MCTP1: variants seen among roughly 807,000 people sequenced by gnomAD.
MCTP1 encodes multiple C2 and transmembrane domain-containing protein 1.
Under a neutral mutation model 120.6 loss-of-function variants are expected in MCTP1, and 69 were observed. The observed-to-expected ratio is 0.57, with a 90% confidence interval of 0.47 to 0.70. MCTP1 has a LOEUF of 0.70. MCTP1 is among the 30% of genes least tolerant of loss of function. The pLI is 0.00. For missense variants in MCTP1, 1,203 were observed against 1,248.8 expected (o/e 0.96, Z 0.55); for synonymous variants, 529 against 493.1 (o/e 1.07, Z -0.96).
At chr5:94,860,198 A>G (rs867285862) in intron 17 of MCTP1, among the ~76,000 whole-genome samples, 2 of 151,810 alleles carry the variant, frequency 1.3e-5, no homozygotes, top group African/African-American at 2.4e-5. Context: ...CCCTTCCCCA[A>G]CACTTCCAAT....
At chr5:94,871,085 T>C (rs1312475790) in intron 14 of MCTP1, 112 bp from the exon 15 acceptor site, 2 of 862,704 alleles carry the variant, frequency 2.3e-6, no homozygotes, top group African/African-American at 3.4e-5. Flanking sequence ...AAAACAACTG[T>C]GGCAATTCTG....
intron 2 of MCTP1, among the ~76,000 whole-genome samples, chr5:94,978,132 A>G (rs920327910): frequency 3.3e-5 from 5 of 152,116 alleles, no homozygotes; most frequent in African/African-American, 1.2e-4. Flanking sequence ...TGCTGTTACC[A>G]AACATCAGGG....
At chr5:94,867,110 C>T in intron 17 of MCTP1, 2 of 787,696 alleles carry the variant, frequency 2.5e-6, no homozygotes, top group Non-Finnish European at 3.6e-6. Flanking sequence ...GTAAAAGTAC[C>T]TCCTGGCTAG....
intron 19 of MCTP1, among the ~76,000 whole-genome samples, chr5:94,723,419 A>G (rs1192643663): frequency 6.6e-6 from 1 of 152,222 alleles, no homozygotes; most frequent in Non-Finnish European, 1.5e-5. Context: ...TCTCAACTAT[A>G]TGAAACATTT....
intron 2 of MCTP1, among the ~76,000 whole-genome samples, chr5:94,989,022 T>G (rs989658434): frequency 1.3e-5 from 2 of 152,166 alleles, no homozygotes; most frequent in Non-Finnish European, 2.9e-5. Flanking sequence ...ATGGGAACTA[T>G]AATTCAAGAT....
chr5:95,177,619 C>A (rs1306050301), intron 1 of MCTP1, among the ~76,000 whole-genome samples: 2 of 152,168 alleles, frequency 1.3e-5, no homozygotes, highest in Non-Finnish European at 2.9e-5. Flanking sequence ...AGCTGAATAA[C>A]AGACATGCAG....
At chr5:95,200,384 G>T (rs1750880015) in intron 1 of MCTP1, among the ~76,000 whole-genome samples, 1 of 152,152 alleles carries the variant, frequency 6.6e-6, no homozygotes, top group South Asian at 2.1e-4. Flanking sequence ...GTATGACAGA[G>T]ATATCTACAC....
chr5:95,238,881 GCACAAGC>G (rs1309640558), intron 1 of MCTP1, among the ~76,000 whole-genome samples: 5 of 152,088 alleles, frequency 3.3e-5, no homozygotes, highest in Non-Finnish European at 4.4e-5. Flanking sequence ...ATCTAACTCA[GCACAAGC>G]CTTGCTCGGT....
chr5:95,103,198 G>T lies in MCTP1; in HGVS notation c.721-85714C>A, dbSNP rs1582256829. ...TTGAATTTAAAAGCATTTCAACAAA[G>T]TAGAAAATAAAGCCTAATCAGAAAT... On this transcript the variant is annotated intron_variant, in intron 1 of 22. Transcript: ENST00000515393. Among the ~76,000 whole-genome samples the T allele has an allele frequency of 2.6e-5, 4 of 151,952 alleles. No homozygotes were observed. In the South Asian group the frequency reaches 8.3e-4, roughly 32 times the overall value.
Position 94,710,831 on chromosome 5 carries a change from A to C in MCTP1, c.2817T>G (p.Ile939Met). Residue 939 changes from isoleucine (I) to methionine (M), a missense_variant, in exon 21 of 23, where the codon ATT (isoleucine) becomes ATG (methionine). By Grantham distance (10) the Ile-to-Met change is conservative (BLOSUM62 1). Transcript: ENST00000515393. ...GGCTTTACTTACCCCAGACAAGGAC[A>C]ATGTATCTCAGCGGAATGCAGTACA... ...AILYCIPLRYIVLVWGINKFT... is the reference protein window; with the variant it reads ...AILYCIPLRYMVLVWGINKFT... The C allele has an allele frequency of 6.2e-7, 1 of 1,611,558 alleles. No homozygotes were observed. The highest frequency in any genetic ancestry group is 8.5e-7 in the Non-Finnish European group (1 of 1,178,274).
At chr5:95,163,589 T>C (rs1376301618) in intron 1 of MCTP1, among the ~76,000 whole-genome samples, 2 of 152,246 alleles carry the variant, frequency 1.3e-5, no homozygotes, top group East Asian at 1.9e-4. Flanking sequence ...CAATAGTATA[T>C]ACAATATTTA....
chr5:94,979,620 A>C (rs1044482758), intron 2 of MCTP1: 2 of 152,096 alleles, frequency 1.3e-5, no homozygotes, highest in African/African-American at 4.8e-5. Context: ...AATGTGTGCC[A>C]ATTTTAAGCC....
At chr5:94,944,307 C>T (rs1184464699) in intron 3 of MCTP1, among the ~76,000 whole-genome samples, 2 of 152,136 alleles carry the variant, frequency 1.3e-5, no homozygotes, top group African/African-American at 4.8e-5. Context: ...TAAATATTCT[C>T]CTTGATCAAT....
At chr5:94,832,123 T>C (rs1281206162) in intron 17 of MCTP1, among the ~76,000 whole-genome samples, 1 of 152,226 alleles carries the variant, frequency 6.6e-6, no homozygotes, top group Non-Finnish European at 1.5e-5. Flanking sequence ...TTCTGTGGTA[T>C]CCTTAATTAA....
At chr5:95,156,149 T>C (rs917382332) in intron 1 of MCTP1, among the ~76,000 whole-genome samples, 2 of 152,178 alleles carry the variant, frequency 1.3e-5, no homozygotes, top group African/African-American at 4.8e-5. Context: ...AACTACAGTG[T>C]GGTGGACACT....
chr5:94,844,510 CACTCATCCACTCTAAG>C (rs1457664262), intron 17 of MCTP1, among the ~76,000 whole-genome samples: 4 of 152,050 alleles, frequency 2.6e-5, no homozygotes, highest in Non-Finnish European at 5.9e-5. Context: ...TCTACAGCTA[CACTCATCCACTCTAAG>C]AGTAATAAAA....
At chr5:94,844,722 T>C (rs1791926011) in intron 17 of MCTP1, among the ~76,000 whole-genome samples, 1 of 152,206 alleles carries the variant, frequency 6.6e-6, no homozygotes, top group Non-Finnish European at 1.5e-5. Flanking sequence ...CTCACAAGTT[T>C]TACTTTATAT....
intron 1 of MCTP1, among the ~76,000 whole-genome samples, chr5:95,195,039 G>A (rs1308698154): frequency 6.6e-6 from 1 of 152,202 alleles, no homozygotes; most frequent in Admixed American, 6.5e-5. Context: ...ATACTGTGTG[G>A]AGTCTAGCCA....
intron 2 of MCTP1, among the ~76,000 whole-genome samples, chr5:94,995,782 G>T (rs7732965): frequency 0.17 from 25,107 of 152,008 alleles, 2,237 homozygotes; most frequent in East Asian, 0.33. Flanking sequence ...ATAAGGACTT[G>T]CAAAAGCTCC....
Sources: allele counts gnomAD v4.1 joint callset (sites outside exome capture counted in the v4.1 genomes callset), GRCh38; gene constraint gnomAD v4.1.1; transcripts MANE v1.5; gene names NCBI Gene and HGNC (gene_info 2026-07-23, HGNC 2026-07-21).